The following POU6F2 variants were observed in gnomAD, a reference collection of about 807,000 sequenced individuals.
POU6F2 encodes the protein POU domain, class 6, transcription factor 2.
POU6F2 carries 31 observed loss-of-function variants against 71.3 expected under a neutral mutation model. The observed-to-expected ratio is 0.43, with a 90% CI of 0.33 to 0.59. POU6F2 has a LOEUF of 0.59. POU6F2 is among the 20% of genes least tolerant of loss of function. The pLI, the probability that POU6F2 is intolerant of heterozygous loss-of-function variation, is 0.04. For missense variants in POU6F2, 783 were observed against 856.8 expected (o/e 0.91, Z 1.07); for synonymous variants, 347 against 355.7 (o/e 0.98, Z 0.27).
At chr7:39,439,304 C>T (rs1162191547) in intron 7 of POU6F2, among the ~76,000 whole-genome samples, 1 of 152,034 alleles carries the variant, frequency 6.6e-6, no homozygotes, top group Non-Finnish European at 1.5e-5. Flanking sequence ...GGTCTTGACT[C>T]TTTATCCAAT....
chr7:39,303,663 C>G (rs1285632526), intron 4 of POU6F2, among the ~76,000 whole-genome samples: 1 of 152,118 alleles, frequency 6.6e-6, no homozygotes, highest in Admixed American at 6.5e-5. Context: ...AATGTGGGAG[C>G]AAAGCTTTAG....
chr7:39,276,702 C>G (rs1377556393), intron 4 of POU6F2, among the ~76,000 whole-genome samples: 2 of 151,872 alleles, frequency 1.3e-5, no homozygotes, highest in Non-Finnish European at 2.9e-5. Context: ...CACATATACA[C>G]CATGGAATAC....
chr7:39,043,856 C>A (rs896221957), intron 1 of POU6F2, among the ~76,000 whole-genome samples: 6 of 151,870 alleles, frequency 4.0e-5, no homozygotes, highest in African/African-American at 1.5e-4. Flanking sequence ...TCCATTCTGC[C>A]CCCTTGGTCC....
At chr7:39,443,374 C>T (rs547285305) in intron 7 of POU6F2, among the ~76,000 whole-genome samples, 2 of 152,306 alleles carry the variant, frequency 1.3e-5, no homozygotes, top group East Asian at 1.9e-4. Flanking sequence ...AACACGTGAG[C>T]GCAGCGGAAA....
At chr7:38,980,773 T>A (rs1788296970) in intron 1 of POU6F2, among the ~76,000 whole-genome samples, 1 of 152,188 alleles carries the variant, frequency 6.6e-6, no homozygotes, top group Non-Finnish European at 1.5e-5. Context: ...ATAACCAGTT[T>A]TCAGTCAGAA....
intron 7 of POU6F2, among the ~76,000 whole-genome samples, chr7:39,438,604 T>C (rs1036439070): frequency 1.3e-5 from 2 of 152,234 alleles, no homozygotes; most frequent in African/African-American, 2.4e-5. Context: ...TTTGCACTGT[T>C]GGTGGGACTG....
intron 1 of POU6F2, among the ~76,000 whole-genome samples, chr7:38,983,679 G>A (rs899727832): frequency 6.6e-6 from 1 of 151,896 alleles, no homozygotes; most frequent in African/African-American, 2.4e-5. Context: ...GCCAATTGTG[G>A]TGAATATTGC....
chr7:39,187,199 G>A (rs1793558309), intron 2 of POU6F2, among the ~76,000 whole-genome samples: 1 of 152,204 alleles, frequency 6.6e-6, no homozygotes. Flanking sequence ...GCTTGCTGGA[G>A]GTCCCATGTC....
chr7:39,406,994 C>G (rs1787447827), intron 6 of POU6F2, among the ~76,000 whole-genome samples: 2 of 151,946 alleles, frequency 1.3e-5, no homozygotes. Flanking sequence ...ATGTTATGAC[C>G]TTATATGAAG....
chr7:39,281,244 C>A (rs949403941), intron 4 of POU6F2, among the ~76,000 whole-genome samples: 1 of 152,076 alleles, frequency 6.6e-6, no homozygotes, highest in African/African-American at 2.4e-5. Flanking sequence ...GCATCATGGT[C>A]AAATCAGGGT....
At chr7:39,421,975 A>C (rs956632276) in intron 6 of POU6F2, among the ~76,000 whole-genome samples, 1 of 152,254 alleles carries the variant, frequency 6.6e-6, no homozygotes, top group Non-Finnish European at 1.5e-5. Context: ...AGGCAAAGCC[A>C]TATAAAGGCT....
At chr7:39,229,989 C>T (rs561294587) in intron 4 of POU6F2, among the ~76,000 whole-genome samples, 8 of 152,186 alleles carry the variant, frequency 5.3e-5, no homozygotes, top group Non-Finnish European at 1.2e-4. Flanking sequence ...CCTCACTGTT[C>T]GTGGTAGTCA....
At chr7:39,161,993 A>T (rs779600001) in intron 2 of POU6F2, among the ~76,000 whole-genome samples, 9 of 152,148 alleles carry the variant, frequency 5.9e-5, no homozygotes, top group Non-Finnish European at 1.3e-4. Context: ...CCCACCATTC[A>T]TCATAACACG....
intron 2 of POU6F2, among the ~76,000 whole-genome samples, chr7:39,194,979 ACCATCTT>A: frequency 6.6e-6 from 1 of 152,148 alleles, no homozygotes; most frequent in Non-Finnish European, 1.5e-5. Context: ...CTCCGCACAC[ACCATCTT>A]TAAGAACTGT....
chr7:39,321,111 T>A (rs1217359940), intron 4 of POU6F2, among the ~76,000 whole-genome samples: 2 of 152,194 alleles, frequency 1.3e-5, no homozygotes, highest in Admixed American at 1.3e-4. Context: ...AACAATATAT[T>A]GTAATAAAAG....
At chr7:39,441,691 T>C (rs1343370750) in intron 7 of POU6F2, among the ~76,000 whole-genome samples, 2 of 152,236 alleles carry the variant, frequency 1.3e-5, no homozygotes, top group African/African-American at 4.8e-5. Flanking sequence ...CATCAATTCC[T>C]CTGTTTCTCT....
chr7:39,443,749 A>G (rs990577225), intron 7 of POU6F2, among the ~76,000 whole-genome samples: 20 of 152,186 alleles, frequency 1.3e-4, no homozygotes, highest in African/African-American at 4.6e-4. Flanking sequence ...GTGGTCTTCA[A>G]TTTTTTTCTT....
chr7:39,224,980 G>A (rs1429145448), intron 4 of POU6F2, among the ~76,000 whole-genome samples: 1 of 152,128 alleles, frequency 6.6e-6, no homozygotes, highest in Admixed American at 6.5e-5. Context: ...GCTGCCAACT[G>A]TTTTTTAAGA....
At chr7:39,420,854 A>G (rs894993299) in intron 6 of POU6F2, among the ~76,000 whole-genome samples, 1 of 152,216 alleles carries the variant, frequency 6.6e-6, no homozygotes, top group Non-Finnish European at 1.5e-5. Context: ...GCCAAAATTC[A>G]TGCTATCAGC....
Sources: allele counts gnomAD v4.1 joint callset (sites outside exome capture counted in the v4.1 genomes callset), GRCh38; gene constraint gnomAD v4.1.1; transcripts MANE v1.5; gene names NCBI Gene and HGNC (gene_info 2026-07-23, HGNC 2026-07-21).